The following SLC22A23 variants were observed in gnomAD, a reference collection of about 807,000 sequenced individuals.
SLC22A23 encodes the protein ion transporter protein.
A neutral mutation model predicts 61.0 loss-of-function variants in SLC22A23; 26 were observed. That is an observed-to-expected ratio of 0.43 (90% CI 0.31 to 0.59). The LOEUF (loss-of-function observed/expected upper bound fraction) is 0.59, where lower values mean the gene tolerates loss of function less well. SLC22A23 is among the 20% of genes least tolerant of loss of function. The pLI is 0.11. For synonymous variants in SLC22A23, 430 were observed against 413.9 expected, an observed-to-expected ratio of 1.04 and a Z score of -0.47; for missense variants, 796 against 934.7, an observed-to-expected ratio of 0.85 and a Z score of 1.94.
intron 3 of SLC22A23, among the ~76,000 whole-genome samples, chr6:3,361,336 T>C (rs950446401): frequency 1.3e-5 from 2 of 151,804 alleles, no homozygotes; most frequent in Admixed American, 1.3e-4. Flanking sequence ...CCCTTCCATC[T>C]GTGGCCATGA....
chr6:3,325,650 T>C (rs1194163414), intron 3 of SLC22A23, among the ~76,000 whole-genome samples: 1 of 152,246 alleles, frequency 6.6e-6, no homozygotes, highest in Non-Finnish European at 1.5e-5. Context: ...AGATCTGGCA[T>C]TTCTGCTCTC....
At position 3,309,952 on chromosome 6, in the gene SLC22A23, G is replaced by A. The variant is rs1762255332; in HGVS notation, c.1083-11734C>T. Among the ~76,000 whole-genome samples, 1 of 152,214 alleles carries A rather than the reference G, an allele frequency of 6.6e-6. No individual in the cohort carries two copies. Among genetic ancestry groups the A allele is most frequent in the Non-Finnish European group, 1.5e-5 (1 of 68,030 alleles). ...GACTTAAGGCCCCTAAACCTGTGGA[G>A]TTTTCCTACATCACACCATGATTGC... On this transcript the variant is annotated intron_variant, in intron 4 of 9. Coordinates refer to ENST00000406686, the MANE Select transcript of SLC22A23 (RefSeq NM_015482.2). This position sits in a 1 kb window ranked among gnomAD's most constrained non-coding sequence, Gnocchi z 4.7.
At chr6:3,289,980 G>C (rs562612017) in intron 5 of SLC22A23, 114 bp from the exon 6 acceptor site, 19 of 537,202 alleles carry the variant, frequency 3.5e-5, no homozygotes, top group African/African-American at 2.7e-4. Flanking sequence ...GGAGAGAGAA[G>C]CTTTTTTTTT....
intron 1 of SLC22A23, among the ~76,000 whole-genome samples, chr6:3,424,029 C>G (rs1770316218): frequency 2.0e-5 from 3 of 152,162 alleles, no homozygotes; most frequent in African/African-American, 4.8e-5. Context: ...CAGGCTATGG[C>G]CTTGTTGTAA....
Position 3,410,862 on chromosome 6 carries a change from T to C in SLC22A23, c.759-520A>G, listed in dbSNP as rs1406430517. ...AGCCAGGGCCAAGCCATCTGTCAAT[T>C]TGTTTCAGCTACACGACGAGAAGTA... On this transcript the variant is annotated intron_variant, in intron 2 of 9. Coordinates refer to ENST00000406686, the MANE Select transcript of SLC22A23 (RefSeq NM_015482.2). The surrounding 1 kb of genome is among the most constrained non-coding windows in gnomAD (Gnocchi z 5.0). Among the ~76,000 whole-genome samples the C allele has an allele frequency of 6.6e-6, 1 of 152,100 alleles. No individual in the cohort carries two copies. Among genetic ancestry groups the C allele is most frequent in the Admixed American group, 6.5e-5 (1 of 15,276 alleles).
At chr6:3,440,086 A>C (rs1171591629) in intron 1 of SLC22A23, among the ~76,000 whole-genome samples, 2 of 152,164 alleles carry the variant, frequency 1.3e-5, no homozygotes, top group Admixed American at 1.3e-4. Flanking sequence ...CCAAGGACCA[A>C]AACACTGGGA....
rs1245095393 is a variant in SLC22A23 at position 3,432,242 on chromosome 6, C to T, written c.655-16387G>A. On this transcript the variant is annotated intron_variant, in intron 1 of 9. Coordinates refer to ENST00000406686, the MANE Select transcript of SLC22A23 (RefSeq NM_015482.2). ...TCCCTGGATCTTCACTGAGAGCCTG[C>T]GGCAGGAAAGCTCTGTTCCTCTGCT... 1.0e-5 allele frequency: 10 copies of T among 985,324 alleles called. No homozygotes were observed. In the Admixed American group the frequency reaches 2.5e-4, roughly 24 times the overall value. 61.0% of individuals were successfully genotyped at this position (985,324 alleles called of 1,614,324 possible).
At chr6:3,376,749 G>A (rs1159822248) in intron 3 of SLC22A23, among the ~76,000 whole-genome samples, 1 of 152,192 alleles carries the variant, frequency 6.6e-6, no homozygotes, top group Non-Finnish European at 1.5e-5. Flanking sequence ...TAGCTGGAGT[G>A]AGAAGGCATC....
chr6:3,332,853 C>T (rs948508772), intron 3 of SLC22A23, among the ~76,000 whole-genome samples: 5 of 152,236 alleles, frequency 3.3e-5, no homozygotes, highest in East Asian at 3.9e-4. Flanking sequence ...AGACTTCCCC[C>T]GACCCTCTTT....
chr6:3,285,143 G>A, intron 7 of SLC22A23, 32 bp from the exon 8 acceptor site: 2 of 1,612,850 alleles, frequency 1.2e-6, no homozygotes, highest in East Asian at 2.2e-5. Flanking sequence ...CACCCACACG[G>A]ACAAGGGCCA....
intron 5 of SLC22A23, among the ~76,000 whole-genome samples, chr6:3,292,349 T>C (rs2127341444): frequency 6.6e-6 from 1 of 152,334 alleles, no homozygotes; most frequent in Non-Finnish European, 1.5e-5. Context: ...CCTTTTTGTC[T>C]GTCCAGGTAT....
rs190796267 is a variant in SLC22A23, at chr6:3,283,114, T to A, written c.1703+738A>T. Among the ~76,000 whole-genome samples, 328 of 152,288 alleles carry A rather than the reference T, an allele frequency of 2.2e-3. 1 individual carries two copies. Among genetic ancestry groups the A allele is most frequent in the Middle Eastern group, 6.8e-3 (2 of 294 alleles). The stretch of plus-strand genomic sequence containing the variant: ...CTGTGCTCGCTTTGGATTCATGACA[T>A]CAACTTCTCAGGTCAGTATGAAATA... On this transcript the variant is annotated intron_variant, in intron 9 of 9. Coordinates refer to ENST00000406686, the MANE Select transcript of SLC22A23 (RefSeq NM_015482.2).
At chr6:3,320,721 G>A (rs1190142768) in intron 4 of SLC22A23, among the ~76,000 whole-genome samples, 1 of 152,100 alleles carries the variant, frequency 6.6e-6, no homozygotes, top group Admixed American at 6.6e-5. Context: ...TCTAGTGGAG[G>A]CTTCCAAGGC....
At chr6:3,363,331 T>C (rs986688493) in intron 3 of SLC22A23, among the ~76,000 whole-genome samples, 2 of 152,146 alleles carry the variant, frequency 1.3e-5, no homozygotes, top group Non-Finnish European at 2.9e-5. Flanking sequence ...TGGTCAGCAA[T>C]TGTCTGTAGG....
rs1464119853 is a variant in SLC22A23, at chr6:3,456,664, G to C, written c.-105C>G. On this transcript the variant is annotated 5_prime_UTR_variant, in exon 1 of 10. Transcript: ENST00000406686. This position sits in a 1 kb window ranked among gnomAD's most constrained non-coding sequence, Gnocchi z 7.1. ...CCAGGCGCCTGCAGCCGCTGCCGCC[G>C]AGGAGGGCCCGCGGCTCGAGAGAGA... 1 of 736,642 alleles carries C rather than the reference G, an allele frequency of 1.4e-6. No individual in the cohort carries two copies. Among genetic ancestry groups the C allele is most frequent in the Non-Finnish European group, 1.7e-6 (1 of 605,330 alleles). The allele number at this position is 736,642 out of a possible 1,614,324, so 45.6% of individuals were successfully genotyped here.
At chr6:3,388,389 C>CA (rs1263075116) in intron 3 of SLC22A23, among the ~76,000 whole-genome samples, 1 of 152,064 alleles carries the variant, frequency 6.6e-6, no homozygotes, top group African/African-American at 2.4e-5. Context: ...CAAACAAAAA[C>CA]AAAAAAGAAA....
At chr6:3,306,407 G>A (rs1761978279) in intron 4 of SLC22A23, among the ~76,000 whole-genome samples, 1 of 152,236 alleles carries the variant, frequency 6.6e-6, no homozygotes, top group Non-Finnish European at 1.5e-5. Context: ...TGAAACCACA[G>A]ATGTGGAACA....
chr6:3,326,736 C>CT (rs1445735424), intron 3 of SLC22A23, among the ~76,000 whole-genome samples: 4 of 152,188 alleles, frequency 2.6e-5, no homozygotes, highest in Admixed American at 1.3e-4. Context: ...AGTTAACTAC[C>CT]TTTTTTTGTC....
chr6:3,361,164 G>A lies in SLC22A23; in HGVS notation c.914-37162C>T, dbSNP rs551121120. Among the ~76,000 whole-genome samples the A allele has an allele frequency of 3.2e-4, 48 of 150,664 alleles. No individual in the cohort carries two copies. In the South Asian group the frequency reaches 8.6e-3, roughly 27 times the overall value. ...TTCTCCCCCAAAGGAGCCTGCAGCAGTGTCACACAGAACACACCCCCTCAA... is the reference window on the plus strand; with the variant it reads ...TTCTCCCCCAAAGGAGCCTGCAGCAATGTCACACAGAACACACCCCCTCAA... On this transcript the variant is annotated intron_variant, in intron 3 of 9. Transcript: ENST00000406686.
Sources: gnomAD v4.1 joint callset for allele counts (sites outside exome capture counted in the v4.1 genomes callset) on GRCh38, gnomAD v4.1.1 for gene constraint, Gnocchi (gnomAD v3.1) non-coding constraint, MANE v1.5 for transcripts, NCBI Gene and HGNC (gene_info 2026-07-23, HGNC 2026-07-21) for gene names.